Variants in IGF1R observed in about 807,000 individuals in gnomAD.
IGF1R encodes insulin-like growth factor 1 receptor.
IGF1R carries 44 observed loss-of-function variants against 144.6 expected under a neutral mutation model. That is an observed-to-expected ratio of 0.30 (90% confidence interval 0.24 to 0.39). The LOEUF (loss-of-function observed/expected upper bound fraction) is 0.39, where lower values mean the gene tolerates loss of function less well. Among genes scored for constraint, IGF1R ranks in the 10% least tolerant of loss-of-function variants. IGF1R has a pLI of 1.00. For missense variants in IGF1R, 1,355 were observed against 1,833.7 expected (o/e 0.74, Z 4.77); for synonymous variants, 795 against 722.8 (o/e 1.10, Z -1.60).
At chr15:98,767,256 T>G (rs2055457733) in intron 2 of IGF1R, among the ~76,000 whole-genome samples, 1 of 152,210 alleles carries the variant, frequency 6.6e-6, no homozygotes, top group African/African-American at 2.4e-5. Flanking sequence ...TTTTCATAGG[T>G]GGGATGAAAT....
At chr15:98,801,351 C>T (rs570708117) in intron 2 of IGF1R, among the ~76,000 whole-genome samples, 1 of 152,296 alleles carries the variant, frequency 6.6e-6, no homozygotes, top group East Asian at 1.9e-4. Flanking sequence ...CAATGCTGGT[C>T]CCCCTCCCTG....
intron 4 of IGF1R, among the ~76,000 whole-genome samples, chr15:98,898,179 A>T (rs1241956864): frequency 2.0e-5 from 3 of 152,138 alleles, no homozygotes; most frequent in African/African-American, 7.2e-5. Context: ...CTGATGTTTA[A>T]TTCTTTTGGC....
chr15:98,924,866 A>G (rs956136863), intron 13 of IGF1R, among the ~76,000 whole-genome samples, 182 bp downstream of exon 13: 1 of 152,204 alleles, frequency 6.6e-6, no homozygotes, highest in Non-Finnish European at 1.5e-5. Context: ...TGGGCAGGGC[A>G]GATGCCGAGC....
chr15:98,920,977 T>C lies in IGF1R; in HGVS notation c.2202-1171T>C, dbSNP rs569160819. Among the ~76,000 whole-genome samples, 21 of 152,326 alleles carry C rather than the reference T, an allele frequency of 1.4e-4. No individual in the cohort carries two copies. The South Asian group carries it at 3.1e-3, about 23-fold the overall frequency. ...GTGGCTTCTGGGCTGTTCCGTTCCC[T>C]GCGTGAGCTTTCCCTCTCTGCTGCT... On this transcript the variant is annotated intron_variant, in intron 10 of 20. Transcript: ENST00000650285.
intron 2 of IGF1R, among the ~76,000 whole-genome samples, chr15:98,728,014 T>TTTTG (rs1555436617): frequency 6.7e-6 from 1 of 148,810 alleles, no homozygotes. Flanking sequence ...ATTGTTTTTT[T>TTTTG]TTTTTTTTTT....
intron 20 of IGF1R, among the ~76,000 whole-genome samples, chr15:98,955,987 G>A (rs546771520): frequency 7.9e-5 from 12 of 152,352 alleles, no homozygotes; most frequent in African/African-American, 2.6e-4. Context: ...GTAAGAGAGG[G>A]CTGTTGGCGG....
intron 2 of IGF1R, among the ~76,000 whole-genome samples, chr15:98,819,190 G>T (rs2056758282): frequency 6.6e-6 from 1 of 151,586 alleles, no homozygotes; most frequent in South Asian, 2.1e-4. Context: ...GGAATGGAGA[G>T]AAACATTTGG....
rs200384425 is a variant in IGF1R at position 98,685,128 on chromosome 15, G to GTT, written c.95-22434_95-22433insTT. On this transcript the variant is annotated intron_variant, in intron 1 of 20. Transcript: ENST00000650285. ...TGGCTAATTTTTAACATTTTTTGTA[G>GTT]AGATGGGAGTCTCACTATGTTGCCC... 3.9e-3 allele frequency among the ~76,000 whole-genome samples: 590 copies of GTT among 151,866 alleles called. 9 individuals carry two copies. The East Asian group carries it at 0.045, about 12-fold the overall frequency.
chr15:98,802,269 A>G (rs777023491), intron 2 of IGF1R, among the ~76,000 whole-genome samples: 6 of 152,212 alleles, frequency 3.9e-5, no homozygotes, highest in Non-Finnish European at 8.8e-5. Context: ...AATAACTACT[A>G]TATCCAGCAT....
intron 2 of IGF1R, among the ~76,000 whole-genome samples, chr15:98,756,249 G>GTTTTTTTTTT (rs35407450): frequency 7.0e-6 from 1 of 142,150 alleles, no homozygotes; most frequent in Non-Finnish European, 1.5e-5. Context: ...GAAATAACCT[G>GTTTTTTTTTT]TTTTTTTTTT....
chr15:98,848,547 G>A (rs540123716), intron 2 of IGF1R, among the ~76,000 whole-genome samples: 3 of 152,290 alleles, frequency 2.0e-5, no homozygotes, highest in South Asian at 2.1e-4. Flanking sequence ...TGAACCTGCT[G>A]TGTTGGAAGC....
chr15:98,851,787 A>G (rs2011539310), intron 2 of IGF1R, among the ~76,000 whole-genome samples: 1 of 152,228 alleles, frequency 6.6e-6, no homozygotes, highest in African/African-American at 2.4e-5. Context: ...CCTGTGTGGA[A>G]AAGGCAAGGT....
At chr15:98,879,287 A>G (rs2013248797) in intron 2 of IGF1R, among the ~76,000 whole-genome samples, 1 of 152,214 alleles carries the variant, frequency 6.6e-6, no homozygotes, top group Admixed American at 6.5e-5. Context: ...TTTTATAAAA[A>G]TACAGTGATA....
chr15:98,741,826 C>T lies in IGF1R; in HGVS notation c.640+33719C>T, dbSNP rs189727752. 2.0e-3 allele frequency among the ~76,000 whole-genome samples: 302 copies of T among 152,230 alleles called. 6 individuals are homozygous for T. Among genetic ancestry groups the T allele is most frequent in the Non-Finnish European group, 2.9e-4 (20 of 68,002 alleles). On this transcript the variant is annotated intron_variant, in intron 2 of 20. Coordinates refer to ENST00000650285, the MANE Select transcript of IGF1R (RefSeq NM_000875.5). Reference sequence around the variant, plus strand: ...GGCATGTCTCTGTTTTTCTCCTCCTCCATGGGGATTTTCATGTGGTTAGTA... The same window carrying T: ...GGCATGTCTCTGTTTTTCTCCTCCTTCATGGGGATTTTCATGTGGTTAGTA...
At chr15:98,933,622 G>A (rs1034570501) in intron 15 of IGF1R, among the ~76,000 whole-genome samples, 9 of 152,270 alleles carry the variant, frequency 5.9e-5, no homozygotes, top group East Asian at 5.8e-4. Context: ...CACCGCACAC[G>A]GCCCATTTAT....
In IGF1R at chr15:98,924,551, G is replaced by T. The variant is rs1353427010; in HGVS notation, c.2649G>T (p.Gln883His). 18 of 1,614,012 alleles carry T rather than the reference G, an allele frequency of 1.1e-5. No individual in the cohort carries two copies. Among genetic ancestry groups the T allele is most frequent in the Non-Finnish European group, 1.5e-5 (18 of 1,179,972 alleles). The change falls in exon 13 of 21, where the codon CAG becomes CAT. Residue 883 changes from glutamine to histidine, a missense_variant. By Grantham distance (24) the Gln-to-His change is conservative (BLOSUM62 0). Around this residue, in one of 7 missense-constraint regions of IGF1R, gnomAD observed 880 missense variants for 1,202.7 expected, o/e 0.73. Coordinates refer to ENST00000650285, the MANE Select transcript of IGF1R (RefSeq NM_000875.5). ...ATCAGCGAGAATGTGTGTCCAGACA[G>T]GAATACAGGAAGTATGGAGGGGCCA... ...VEDQRECVSRQEYRKYGGAKL... is the reference protein window; with the variant it reads ...VEDQRECVSRHEYRKYGGAKL...
At chr15:98,750,468 A>G (rs2054982653) in intron 2 of IGF1R, among the ~76,000 whole-genome samples, 1 of 152,140 alleles carries the variant, frequency 6.6e-6, no homozygotes, top group Admixed American at 6.5e-5. Context: ...CCACAGTCCA[A>G]ATCTTCTGAG....
intron 4 of IGF1R, among the ~76,000 whole-genome samples, chr15:98,898,994 T>C (rs1488670563): frequency 1.3e-5 from 2 of 152,256 alleles, no homozygotes; most frequent in Non-Finnish European, 2.9e-5. Context: ...TGGTGTATTT[T>C]CTTCAAGTCT....
At chr15:98,820,600 A>G (rs934884455) in intron 2 of IGF1R, among the ~76,000 whole-genome samples, 2 of 152,228 alleles carry the variant, frequency 1.3e-5, no homozygotes, top group Non-Finnish European at 2.9e-5. Context: ...CAGTGTCATT[A>G]TAAATTACTT....
Sources: allele counts gnomAD v4.1 joint callset (sites outside exome capture counted in the v4.1 genomes callset), GRCh38; gene constraint gnomAD v4.1.1; regional missense constraint gnomAD v4.1.1; transcripts MANE v1.5; gene names NCBI Gene and HGNC (gene_info 2026-07-23, HGNC 2026-07-21).